Variants in GRB2 observed in about 807,000 individuals in gnomAD.
GRB2 encodes growth factor receptor-bound protein 2.
Under a neutral mutation model 27.4 loss-of-function variants are expected in GRB2, and 2 were observed. The ratio of observed to expected loss-of-function variants is 0.07; its 90% CI spans 0.03 to 0.23. The LOEUF is 0.23. GRB2 is among the 10% of genes least tolerant of loss of function. The pLI, the probability that GRB2 is intolerant of heterozygous loss-of-function variation, is 1.00. For missense variants in GRB2, 102 were observed against 282.4 expected (o/e 0.36, Z 4.58); for synonymous variants, 94 against 99.6 (o/e 0.94, Z 0.33).
At chr17:75,333,178 C>T (rs946575244) in intron 2 of GRB2, among the ~76,000 whole-genome samples, 2 of 151,990 alleles carry the variant, frequency 1.3e-5, no homozygotes, top group African/African-American at 2.4e-5. Flanking sequence ...TGGGTTCAGG[C>T]GATTCTCCTG....
intron 2 of GRB2, among the ~76,000 whole-genome samples, chr17:75,391,644 T>C (rs557998206): frequency 6.6e-6 from 1 of 152,102 alleles, no homozygotes; most frequent in South Asian, 2.1e-4. Flanking sequence ...CCATCTCCAC[T>C]AAAAATTCAA....
At chr17:75,368,706 G>A (rs189789173) in intron 2 of GRB2, among the ~76,000 whole-genome samples, 4 of 151,708 alleles carry the variant, frequency 2.6e-5, no homozygotes, top group Non-Finnish European at 2.9e-5. Context: ...AACCATGCCC[G>A]GCTCATTTTT....
intron 1 of GRB2, among the ~76,000 whole-genome samples, chr17:75,401,111 C>T (rs1011262148): frequency 6.6e-6 from 1 of 151,922 alleles, no homozygotes; most frequent in African/African-American, 2.4e-5. Flanking sequence ...ATAGTTTATC[C>T]TATTTCTGTA....
chr17:75,380,148 T>TACAG (rs1214364577), intron 2 of GRB2, among the ~76,000 whole-genome samples: 1 of 152,188 alleles, frequency 6.6e-6, no homozygotes, highest in Non-Finnish European at 1.5e-5. Flanking sequence ...TGGAAGATGA[T>TACAG]GTACTGCCTA....
chr17:75,324,506 A>AG, intron 4 of GRB2, among the ~76,000 whole-genome samples: 1 of 67,040 alleles, frequency 1.5e-5, no homozygotes, highest in African/African-American at 7.3e-5. Flanking sequence ...CACCGCACCC[A>AG]GTTTTTTTTT....
At chr17:75,351,424 G>C (rs542743498) in intron 2 of GRB2, among the ~76,000 whole-genome samples, 16 of 152,242 alleles carry the variant, frequency 1.1e-4, no homozygotes, top group African/African-American at 3.9e-4. Context: ...TGAGGCGGAA[G>C]AATCACTTGA....
rs574228725 is a variant in GRB2 at position 75,381,546 on chromosome 17, C to T, written c.78+12005G>A. On this transcript the variant is annotated intron_variant, in intron 2 of 5. Coordinates refer to ENST00000316804, the MANE Select transcript of GRB2 (RefSeq NM_002086.5). ...AGCCTGGCCAACATAGTGAAACCCT[C>T]GTCTCTACTAAAAATAAAAAAAAAA... Among the ~76,000 whole-genome samples, 170 of 150,746 alleles carry T rather than the reference C, an allele frequency of 1.1e-3. 2 individuals are homozygous for T. Among genetic ancestry groups the T allele is most frequent in the African/African-American group, 4.0e-3 (166 of 41,044 alleles).
At position 75,372,030 on chromosome 17, in the gene GRB2, A is replaced by G. The variant is rs186094705; in HGVS notation, c.78+21521T>C. On this transcript the variant is annotated intron_variant, in intron 2 of 5. Transcript: ENST00000316804. ...GTTCTGAAAAGAAAACACAATAATT[A>G]TGGTTTTGCTGAATTCAAAGAAATG... 1.3e-3 allele frequency: 195 copies of G among 152,328 alleles called. 1 individual carries two copies. The highest frequency in any genetic ancestry group is 4.5e-3 in the African/African-American group (186 of 41,560). The allele number at this position is 152,328 out of a possible 1,614,324, so 9.4% of individuals were successfully genotyped here.
chr17:75,393,903 GCC>G (rs34770042), intron 1 of GRB2, 138 bp from the exon 2 acceptor site: 13 of 395,166 alleles, frequency 3.3e-5, no homozygotes, highest in Admixed American at 8.7e-5. Flanking sequence ...CCAGGCAACA[GCC>G]CCCCCCCGCC....
At chr17:75,381,735 G>GA (rs72373494) in intron 2 of GRB2, among the ~76,000 whole-genome samples, 5,699 of 120,696 alleles carry the variant, frequency 0.047, 387 homozygotes, top group African/African-American at 0.16. Flanking sequence ...AAAAAAAAAA[G>GA]AAAAAAAAAA....
At position 75,391,488 on chromosome 17, in the gene GRB2, G is replaced by C. The variant is rs2078997868; in HGVS notation, c.78+2063C>G. ...AGGTCTAGGACAAACTTCAAAGACA[G>C]AAATCAGGGAAAGTTCTTGTTTAAA... On this transcript the variant is annotated intron_variant, in intron 2 of 5. Transcript: ENST00000316804. Among the ~76,000 whole-genome samples, 3 of 152,134 alleles carry C rather than the reference G, an allele frequency of 2.0e-5. No homozygotes were observed. In the South Asian group the frequency reaches 6.2e-4, roughly 32 times the overall value.
chr17:75,332,931 A>G, intron 2 of GRB2, 134 bp from the exon 3 acceptor site: 1 of 533,552 alleles, frequency 1.9e-6, no homozygotes, highest in East Asian at 3.3e-5. Flanking sequence ...TACGGATATA[A>G]GACTCCTTTT....
At chr17:75,392,456 G>A (rs575588621) in intron 2 of GRB2, among the ~76,000 whole-genome samples, 15 of 152,220 alleles carry the variant, frequency 9.9e-5, no homozygotes, top group Admixed American at 7.2e-4. Context: ...TGGGCAATGA[G>A]GGCAAAATAA....
chr17:75,350,855 C>T (rs1044866548), intron 2 of GRB2, among the ~76,000 whole-genome samples: 1 of 151,974 alleles, frequency 6.6e-6, no homozygotes. Context: ...GGCTTGGGGA[C>T]GGGCATTGAG....
rs890312527 is a variant in GRB2 at position 75,326,357 on chromosome 17, C to CA, written c.177-338dup. The CA allele has an allele frequency of 1.2e-4, 34 of 284,264 alleles. No homozygotes were observed. The Admixed American group carries it at 1.4e-3, about 12-fold the overall frequency. 17.6% of individuals were successfully genotyped at this position (284,264 alleles called of 1,614,324 possible). A position where few individuals can be genotyped will look rare whatever the true frequency, so the allele number is the denominator to read the frequency against. On this transcript the variant is annotated intron_variant, in intron 3 of 5. Transcript: ENST00000316804. Reference sequence around the variant, plus strand: ...TGACAAAGGCGCCTGGGGAAAAGCTCAGGCCTTTGGGCTTGGTGTACGGGA... The same window carrying CA: ...TGACAAAGGCGCCTGGGGAAAAGCTCAAGGCCTTTGGGCTTGGTGTACGGGA...
At chr17:75,399,459 C>T (rs1465390557) in intron 1 of GRB2, among the ~76,000 whole-genome samples, 1 of 150,098 alleles carries the variant, frequency 6.7e-6, no homozygotes, top group Non-Finnish European at 1.5e-5. Context: ...CCTCTGTCTC[C>T]TGGATTCAAG....
At chr17:75,385,600 C>A (rs2078958927) in intron 2 of GRB2, among the ~76,000 whole-genome samples, 1 of 152,022 alleles carries the variant, frequency 6.6e-6, no homozygotes, top group Non-Finnish European at 1.5e-5. Context: ...CAGGACTAAA[C>A]CAGATTGGAT....
intron 2 of GRB2, among the ~76,000 whole-genome samples, chr17:75,373,978 G>A (rs2078873970): frequency 1.3e-5 from 2 of 151,252 alleles, no homozygotes; most frequent in South Asian, 4.2e-4. Flanking sequence ...TGCATTTTTA[G>A]TAGAGACAGG....
intron 2 of GRB2, chr17:75,338,805 T>A (rs2078599588): frequency 1.3e-6 from 1 of 741,388 alleles, no homozygotes; most frequent in African/African-American, 1.7e-5. Context: ...AAGTCCTTTC[T>A]GTGCTGATAG....
Sources: allele counts gnomAD v4.1 joint callset (sites outside exome capture counted in the v4.1 genomes callset), GRCh38; gene constraint gnomAD v4.1.1; transcripts MANE v1.5; gene names NCBI Gene and HGNC (gene_info 2026-07-23, HGNC 2026-07-21).